Variants in NAALADL2 observed in about 807,000 individuals in gnomAD.
NAALADL2 encodes the protein inactive N-acetylated-alpha-linked acidic dipeptidase-like protein 2.
NAALADL2 carries 76 observed loss-of-function variants against 87.2 expected under a neutral mutation model. The observed-to-expected ratio is 0.87, with a 90% confidence interval of 0.72 to 1.05. The LOEUF is 1.05. Among genes scored for constraint, NAALADL2 ranks in the 50% least tolerant of loss-of-function variants. The pLI is 0.00. For missense variants in NAALADL2, 1,089 were observed against 945.8 expected (o/e 1.15, Z -1.99); for synonymous variants, 354 against 331.0 (o/e 1.07, Z -0.75).
chr3:174,488,353 AAT>A (rs1717985530), intron 1 of NAALADL2, among the ~76,000 whole-genome samples: 1 of 152,006 alleles, frequency 6.6e-6, no homozygotes. Context: ...TGTCACCTCT[AAT>A]AAGAATATGA....
At chr3:175,247,267 T>TACACAC (rs778567684) in intron 3 of NAALADL2, among the ~76,000 whole-genome samples, 4 of 64,032 alleles carry the variant, frequency 6.2e-5, no homozygotes, top group Non-Finnish European at 1.4e-4. Context: ...ATTATGTGTG[T>TACACAC]ACACACACAC....
chr3:174,781,181 C>A (rs1294250338), intron 3 of NAALADL2, among the ~76,000 whole-genome samples: 1 of 151,978 alleles, frequency 6.6e-6, no homozygotes, highest in African/African-American at 2.4e-5. Context: ...TTGTGGGTAA[C>A]CCGACCTTTC....
intron 3 of NAALADL2, among the ~76,000 whole-genome samples, chr3:175,251,551 G>C (rs1376964554): frequency 1.3e-5 from 2 of 152,154 alleles, no homozygotes; most frequent in African/African-American, 4.8e-5. Context: ...TTAATCATTG[G>C]TATTTGGTTG....
At chr3:174,442,320 C>A (rs558456500) in intron 1 of NAALADL2, among the ~76,000 whole-genome samples, 3 of 152,228 alleles carry the variant, frequency 2.0e-5, no homozygotes, top group Non-Finnish European at 4.4e-5. Context: ...TTTTTTCCCA[C>A]ACCCCAAGAA....
chr3:174,925,900 A>G (rs1421141173), intron 1 of NAALADL2, among the ~76,000 whole-genome samples: 3 of 152,184 alleles, frequency 2.0e-5, no homozygotes, highest in Non-Finnish European at 4.4e-5. Context: ...CAGATGATCA[A>G]ACTACTCTGA....
intron 2 of NAALADL2, among the ~76,000 whole-genome samples, chr3:174,606,839 G>A (rs920236749): frequency 1.3e-5 from 2 of 152,138 alleles, no homozygotes; most frequent in East Asian, 1.9e-4. Flanking sequence ...GATACTCCTC[G>A]AGAAGAGCAA....
At chr3:174,664,741 G>C (rs1197016882) in intron 2 of NAALADL2, among the ~76,000 whole-genome samples, 2 of 152,160 alleles carry the variant, frequency 1.3e-5, no homozygotes, top group Non-Finnish European at 2.9e-5. Context: ...TGGAAGTGCT[G>C]TGCTCCTGTG....
chr3:174,727,883 C>G (rs151050201), intron 2 of NAALADL2, among the ~76,000 whole-genome samples: 3 of 152,262 alleles, frequency 2.0e-5, no homozygotes, highest in African/African-American at 7.2e-5. Context: ...TTCATCCCTA[C>G]TGTCCCCTAA....
chr3:175,573,797 C>T (rs913350241), intron 9 of NAALADL2, among the ~76,000 whole-genome samples: 10 of 152,080 alleles, frequency 6.6e-5, no homozygotes, highest in Non-Finnish European at 1.3e-4. Context: ...AAAAATTCAG[C>T]TTTGAAAAGA....
chr3:174,554,244 A>G (rs1030547698), intron 2 of NAALADL2, among the ~76,000 whole-genome samples: 2 of 152,138 alleles, frequency 1.3e-5, no homozygotes, highest in African/African-American at 4.8e-5. Flanking sequence ...ACAAAATAGT[A>G]TCATATCTTT....
At chr3:175,122,685 T>G (rs1355056484) in intron 2 of NAALADL2, among the ~76,000 whole-genome samples, 1 of 151,782 alleles carries the variant, frequency 6.6e-6, no homozygotes. Context: ...TATTATCTCC[T>G]CCCATTCTCT....
At chr3:174,853,469 C>T (rs1389463816) in intron 3 of NAALADL2, among the ~76,000 whole-genome samples, 1 of 151,286 alleles carries the variant, frequency 6.6e-6, no homozygotes, top group African/African-American at 2.4e-5. Flanking sequence ...AGGAAATGGG[C>T]CTGGGCAAAG....
At chr3:174,652,493 A>G (rs960104867) in intron 2 of NAALADL2, among the ~76,000 whole-genome samples, 4 of 152,210 alleles carry the variant, frequency 2.6e-5, no homozygotes, top group African/African-American at 9.7e-5. Context: ...AAGGAAGAGC[A>G]AAGGCATGTC....
At chr3:174,706,543 G>A (rs544783357) in intron 2 of NAALADL2, among the ~76,000 whole-genome samples, 5 of 152,274 alleles carry the variant, frequency 3.3e-5, no homozygotes, top group East Asian at 1.9e-4. Context: ...TTAGCCCTTC[G>A]TCAGATGACT....
At chr3:174,891,575 C>T (rs529452476) in intron 1 of NAALADL2, among the ~76,000 whole-genome samples, 61 of 152,230 alleles carry the variant, frequency 4.0e-4, no homozygotes, top group Middle Eastern at 3.4e-3. Flanking sequence ...CCAAACTCAG[C>T]TGACACCGCT....
At chr3:175,755,121 T>C (rs912456442) in intron 12 of NAALADL2, 99 bp from the exon 13 acceptor site, 1 of 920,708 alleles carries the variant, frequency 1.1e-6, no homozygotes, top group African/African-American at 1.7e-5. Context: ...CCTTCTTCAG[T>C]GGTCTGTCTG....
intron 4 of NAALADL2, among the ~76,000 whole-genome samples, chr3:175,260,841 A>AG (rs1314628493): frequency 1.3e-5 from 2 of 152,164 alleles, no homozygotes; most frequent in African/African-American, 4.8e-5. Context: ...TGAAATGAGG[A>AG]GAAAAATAAT....
rs1416079355 is a variant in NAALADL2 at position 175,807,229 on chromosome 3, T to C, written c.*4026T>C. ...TGTGATTTAGAACAACAGTTTTATGTTATTTTTAAAAATTCAGAATAACCA... is the reference window on the plus strand; with the variant it reads ...TGTGATTTAGAACAACAGTTTTATGCTATTTTTAAAAATTCAGAATAACCA... On this transcript the variant is annotated 3_prime_UTR_variant, in exon 14 of 14. Coordinates refer to ENST00000454872, the MANE Select transcript of NAALADL2 (RefSeq NM_207015.3). 6.6e-6 allele frequency: 1 copy of C among 151,890 alleles called. No individual in the cohort carries two copies. Among genetic ancestry groups the C allele is most frequent in the Non-Finnish European group, 1.5e-5 (1 of 67,884 alleles). 9.4% of individuals were successfully genotyped at this position (151,890 alleles called of 1,614,324 possible).
chr3:175,121,165 G>A (rs1726095040), intron 2 of NAALADL2, among the ~76,000 whole-genome samples: 1 of 151,848 alleles, frequency 6.6e-6, no homozygotes, highest in African/African-American at 2.4e-5. Flanking sequence ...ACAAGGAATA[G>A]AAATTTACTT....
Sources: gnomAD v4.1 joint callset for allele counts (sites outside exome capture counted in the v4.1 genomes callset) on GRCh38, gnomAD v4.1.1 for gene constraint, MANE v1.5 for transcripts, NCBI Gene and HGNC (gene_info 2026-07-23, HGNC 2026-07-21) for gene names.